Variants in FAM135B observed in about 807,000 individuals in gnomAD.
The protein encoded by FAM135B is protein FAM135B.
In FAM135B, 43 loss-of-function variants were observed where a neutral mutation model predicts 127.7. The observed-to-expected ratio is 0.34, with a 90% CI of 0.26 to 0.43. The LOEUF is 0.43. Among genes scored for constraint, FAM135B ranks in the 20% least tolerant of loss-of-function variants. FAM135B has a pLI of 1.00. For missense variants in FAM135B, 1,558 were observed against 1,725.6 expected (o/e 0.90, Z 1.72); for synonymous variants, 670 against 665.1 (o/e 1.01, Z -0.11).
intron 11 of FAM135B, among the ~76,000 whole-genome samples, chr8:138,170,111 T>C: frequency 6.6e-6 from 1 of 152,134 alleles, no homozygotes; most frequent in East Asian, 1.9e-4. Flanking sequence ...GGGAGAAGCT[T>C]CCCTGCCATC....
chr8:138,478,212 C>A (rs1282338086), intron 1 of FAM135B, among the ~76,000 whole-genome samples: 1 of 152,126 alleles, frequency 6.6e-6, no homozygotes, highest in Non-Finnish European at 1.5e-5. Flanking sequence ...CACCTCCTGC[C>A]ACTAGTCACA....
At chr8:138,184,804 C>T (rs180839460) in intron 9 of FAM135B, among the ~76,000 whole-genome samples, 392 of 152,260 alleles carry the variant, frequency 2.6e-3, no homozygotes, top group Middle Eastern at 0.01. Flanking sequence ...CCGCCATACA[C>T]GATATCCCAG....
intron 11 of FAM135B, among the ~76,000 whole-genome samples, chr8:138,171,719 G>A (rs1050715558): frequency 1.3e-5 from 2 of 152,172 alleles, no homozygotes; most frequent in Non-Finnish European, 2.9e-5. Flanking sequence ...GGGCAATGAG[G>A]AAGCAGTGAA....
chr8:138,388,097 C>A (rs1317254420), intron 1 of FAM135B, among the ~76,000 whole-genome samples: 3 of 151,980 alleles, frequency 2.0e-5, no homozygotes, highest in Non-Finnish European at 2.9e-5. Context: ...CTTAACAAAC[C>A]CCTCAGCACA....
intron 1 of FAM135B, among the ~76,000 whole-genome samples, chr8:138,408,813 T>A (rs1833686671): frequency 6.6e-6 from 1 of 152,100 alleles, no homozygotes; most frequent in Admixed American, 6.5e-5. Flanking sequence ...TCCAGTTACC[T>A]CTCACCAGGT....
At chr8:138,456,308 A>G (rs1276381940) in intron 1 of FAM135B, among the ~76,000 whole-genome samples, 4 of 152,232 alleles carry the variant, frequency 2.6e-5, no homozygotes, top group African/African-American at 9.6e-5. Flanking sequence ...GCTAATTGCA[A>G]TTTACAAAGT....
rs2130481679 is a variant in FAM135B at position 138,132,616 on chromosome 8, C to A, written c.4198G>T (p.Ala1400Ser). ...CACTACTTGAAGTAGTTGAGTCCTG[C>A]CACCAAGAAAAACTTCTCCAGGAAG... ...ELFLEKFFLV[A>S]GLNYFK The change falls in exon 20 of 20, where the codon GCA becomes TCA. Residue 1400 changes from alanine to serine, a missense_variant. Ala to Ser is a moderately conservative substitution (Grantham distance 99). This residue lies in a region of FAM135B where 194 missense variants were observed against 333.8 expected (regional missense o/e 0.58). Transcript: ENST00000395297. The surrounding 1 kb of genome is among the most constrained non-coding windows in gnomAD (Gnocchi z 4.5). 1 of 1,614,174 alleles carries A rather than the reference C, an allele frequency of 6.2e-7. No homozygotes were observed.
At chr8:138,449,776 T>C (rs1587483500) in intron 1 of FAM135B, among the ~76,000 whole-genome samples, 1 of 152,150 alleles carries the variant, frequency 6.6e-6, no homozygotes. Context: ...TTCTCACCAG[T>C]GTGGTGCATG....
At chr8:138,434,549 T>C (rs1409173706) in intron 1 of FAM135B, among the ~76,000 whole-genome samples, 1 of 152,134 alleles carries the variant, frequency 6.6e-6, no homozygotes, top group Non-Finnish European at 1.5e-5. Context: ...GACACCAAAT[T>C]ATATGCTTCC....
At chr8:138,181,232 T>C (rs530639036) in intron 9 of FAM135B, among the ~76,000 whole-genome samples, 1 of 152,054 alleles carries the variant, frequency 6.6e-6, no homozygotes, top group Non-Finnish European at 1.5e-5. Flanking sequence ...AGAGTGAGAC[T>C]CCGTTTCAAA....
At position 138,130,337 on chromosome 8, in the gene FAM135B, T is replaced by TAAA. The variant is rs1309418694; in HGVS notation, c.*2255_*2256insTTT. 6.6e-6 allele frequency: 1 copy of TAAA among 152,082 alleles called. No homozygotes were observed. The highest frequency in any genetic ancestry group is 1.5e-5 in the Non-Finnish European group (1 of 68,030). 9.4% of individuals were successfully genotyped at this position (152,082 alleles called of 1,614,324 possible). Reference sequence around the variant, plus strand: ...ATTTACAATATAGAGATGTACTTTCTACACAATTATAATAGATGCTCAGAG... The same window carrying TAAA: ...ATTTACAATATAGAGATGTACTTTCTAAAACACAATTATAATAGATGCTCAGAG... On this transcript the variant is annotated 3_prime_UTR_variant, in exon 20 of 20. Coordinates refer to ENST00000395297, the MANE Select transcript of FAM135B (RefSeq NM_015912.4).
At chr8:138,470,843 C>T (rs937536678) in intron 1 of FAM135B, among the ~76,000 whole-genome samples, 3 of 152,148 alleles carry the variant, frequency 2.0e-5, no homozygotes, top group African/African-American at 7.2e-5. Context: ...GTACTGAAAT[C>T]ATGCAGAATA....
intron 5 of FAM135B, among the ~76,000 whole-genome samples, chr8:138,256,060 G>T (rs188694217): frequency 6.6e-6 from 1 of 152,088 alleles, no homozygotes; most frequent in African/African-American, 2.4e-5. Flanking sequence ...TAGAGTTCTG[G>T]TATTATACTT....
intron 7 of FAM135B, among the ~76,000 whole-genome samples, chr8:138,227,588 A>G (rs1400775457): frequency 6.6e-6 from 1 of 152,290 alleles, no homozygotes; most frequent in East Asian, 1.9e-4. Flanking sequence ...AGCTTAATGT[A>G]TACAGTTTGG....
intron 1 of FAM135B, among the ~76,000 whole-genome samples, chr8:138,462,524 T>G (rs985950315): frequency 2.0e-5 from 3 of 152,004 alleles, no homozygotes; most frequent in Non-Finnish European, 4.4e-5. Context: ...ACCCAGAGGG[T>G]GTGCAGGTCC....
chr8:138,496,226 C>T (rs965511374), intron 1 of FAM135B, among the ~76,000 whole-genome samples: 15 of 152,202 alleles, frequency 9.9e-5, no homozygotes, highest in Non-Finnish European at 1.8e-4. Context: ...CCGCACACCC[C>T]TGTCCCCAGC....
intron 2 of FAM135B, among the ~76,000 whole-genome samples, chr8:138,340,191 C>G (rs891776545): frequency 3.9e-5 from 6 of 152,180 alleles, no homozygotes; most frequent in Non-Finnish European, 5.9e-5. Context: ...CCCTGGATTT[C>G]TGAAAGCCCC....
intron 2 of FAM135B, among the ~76,000 whole-genome samples, chr8:138,355,226 C>T (rs1476451038): frequency 6.6e-6 from 1 of 152,138 alleles, no homozygotes; most frequent in East Asian, 1.9e-4. Flanking sequence ...TGGGTATACA[C>T]CCAAAGGAAT....
chr8:138,177,290 C>T (rs1361660216), intron 11 of FAM135B, 57 bp downstream of exon 11: 11 of 1,510,130 alleles, frequency 7.3e-6, no homozygotes, highest in Admixed American at 6.9e-5. Flanking sequence ...TAACTTTGAA[C>T]AGCATGTCTT....
Sources: allele counts gnomAD v4.1 joint callset (sites outside exome capture counted in the v4.1 genomes callset), GRCh38; gene constraint gnomAD v4.1.1; regional missense constraint gnomAD v4.1.1; non-coding constraint Gnocchi (gnomAD v3.1); transcripts MANE v1.5; gene names NCBI Gene and HGNC (gene_info 2026-07-23, HGNC 2026-07-21).